F13B: variants seen among roughly 807,000 people sequenced by gnomAD.
The protein encoded by F13B is TGase.
In F13B, 58 loss-of-function variants were observed where a neutral mutation model predicts 79.8. The observed-to-expected ratio is 0.73, with a 90% CI of 0.59 to 0.90. The LOEUF is 0.90. Among genes scored for constraint, F13B ranks in the 40% least tolerant of loss-of-function variants. The pLI, the probability that F13B is intolerant of heterozygous loss-of-function variation, is 0.00. For missense variants in F13B, 773 were observed against 777.0 expected, an observed-to-expected ratio of 0.99 and a Z score of 0.06; for synonymous variants, 283 against 260.3, an observed-to-expected ratio of 1.09 and a Z score of -0.84.
Position 197,057,009 on chromosome 1 carries a change from A to C in F13B, c.1171+4T>G, listed in dbSNP as rs147765919. On this transcript the variant is annotated splice_donor_region_variant and intron_variant, in intron 7 of 11. Coordinates refer to ENST00000367412, the MANE Select transcript of F13B (RefSeq NM_001994.3). ...GCTACTGATGGTAAATGTAGCATACATACCAACACACTCAGGAGGAAGTGT... is the reference window on the plus strand; with the variant it reads ...GCTACTGATGGTAAATGTAGCATACCTACCAACACACTCAGGAGGAAGTGT... 6.2e-7 allele frequency: 1 copy of C among 1,613,230 alleles called. No individual in the cohort carries two copies. Among genetic ancestry groups the C allele is most frequent in the East Asian group, 2.2e-5 (1 of 44,862 alleles).
At chr1:197,040,790 C>G in intron 10 of F13B, 55 bp from the exon 11 acceptor site, 1 of 1,425,044 alleles carries the variant, frequency 7.0e-7, no homozygotes, top group African/African-American at 1.4e-5. Context: ...TATCTTGTTA[C>G]ATCTTGGTAA....
intron 1 of F13B, among the ~76,000 whole-genome samples, chr1:197,064,937 T>G (rs1001720319): frequency 6.6e-6 from 1 of 152,078 alleles, no homozygotes; most frequent in Non-Finnish European, 1.5e-5. Flanking sequence ...TTAATGCTAC[T>G]ATGAGACATA....
At chr1:197,051,386 A>G (rs958447443) in intron 9 of F13B, among the ~76,000 whole-genome samples, 2 of 152,126 alleles carry the variant, frequency 1.3e-5, no homozygotes, top group African/African-American at 2.4e-5. Flanking sequence ...CTAAGTGTAT[A>G]TGGGATTTTT....
intron 1 of F13B, among the ~76,000 whole-genome samples, chr1:197,064,394 A>G (rs898969999): frequency 3.9e-5 from 6 of 152,234 alleles, no homozygotes; most frequent in African/African-American, 1.4e-4. Context: ...ATGCCCATAA[A>G]TAATAGAAAA....
chr1:197,066,028 C>T lies in F13B; in HGVS notation c.64+1132G>A, dbSNP rs917508142. On this transcript the variant is annotated intron_variant, in intron 1 of 11. Transcript: ENST00000367412. ...TTTGTTGTGTAAAATAGCATTATAA[C>T]CTTATAATAATTAGAAAATTAACTA... is the stretch of plus-strand genomic sequence containing the variant. Among the ~76,000 whole-genome samples, 7 of 151,484 alleles carry T rather than the reference C, an allele frequency of 4.6e-5. No homozygotes were observed. In the South Asian group the frequency reaches 8.3e-4, roughly 18 times the overall value.
chr1:197,043,225 C>T (rs1052023723), intron 10 of F13B, among the ~76,000 whole-genome samples: 1 of 152,104 alleles, frequency 6.6e-6, no homozygotes, highest in African/African-American at 2.4e-5. Context: ...AACAAACCCT[C>T]TGTAAAGAGC....
Position 197,057,287 on chromosome 1 carries a change from AATGC to A in F13B, c.980_983del (p.Cys327LeufsTer7). 6.2e-7 allele frequency: 1 copy of A among 1,613,900 alleles called. No individual in the cohort carries two copies. The highest frequency in any genetic ancestry group is 8.5e-7 in the Non-Finnish European group (1 of 1,179,892). On this transcript the variant is annotated frameshift_variant and splice_region_variant, in exon 6 of 12. Transcript: ENST00000367412. LOFTEE classifies it high-confidence loss of function. ...AAGCTTCTTCAAGGTGTTACTAACC[AATGC>A]ATTTTGGAGGTTCTGTCCATTTTCC... is the stretch of plus-strand genomic sequence containing the variant.
At chr1:197,051,225 G>A (rs538559107) in intron 9 of F13B, among the ~76,000 whole-genome samples, 1 of 152,054 alleles carries the variant, frequency 6.6e-6, no homozygotes, top group Non-Finnish European at 1.5e-5. Flanking sequence ...CCATTTTTTA[G>A]GCAGTTCTCA....
chr1:197,056,865 A>G, intron 7 of F13B, 148 bp downstream of exon 7: 1 of 740,368 alleles, frequency 1.4e-6, no homozygotes, highest in South Asian at 1.7e-5. Context: ...ACATGCACAC[A>G]TGCAAAGCAG....
intron 7 of F13B, 59 bp from the exon 8 acceptor site, chr1:197,055,956 T>C (rs1655626361): frequency 5.5e-6 from 7 of 1,264,722 alleles, no homozygotes; most frequent in Non-Finnish European, 8.1e-6. Flanking sequence ...CTATAGTAAC[T>C]CATACTATAG....
chr1:197,042,817 T>TAA (rs896748673), intron 10 of F13B, among the ~76,000 whole-genome samples: 2 of 134,256 alleles, frequency 1.5e-5, no homozygotes. Flanking sequence ...GGAGACTGTC[T>TAA]AAAAAAAAAA....
chr1:197,065,099 C>A (rs1337408413), intron 1 of F13B, among the ~76,000 whole-genome samples: 2 of 152,134 alleles, frequency 1.3e-5, no homozygotes, highest in Non-Finnish European at 2.9e-5. Context: ...CACACCCAAG[C>A]ACCAAAGGAA....
chr1:197,040,856 G>A, intron 10 of F13B, 121 bp from the exon 11 acceptor site: 1 of 713,326 alleles, frequency 1.4e-6, no homozygotes, highest in Non-Finnish European at 2.4e-6. Flanking sequence ...TCAGGCCTAA[G>A]AGCAGCAAGT....
intron 1 of F13B, among the ~76,000 whole-genome samples, chr1:197,064,976 A>G (rs1389338550): frequency 6.6e-6 from 1 of 152,150 alleles, no homozygotes; most frequent in Non-Finnish European, 1.5e-5. Context: ...CCTAGGTTTG[A>G]AGGAAATGGA....
intron 5 of F13B, 42 bp from the exon 6 acceptor site, chr1:197,057,507 C>CA (rs754435210): frequency 1.1e-5 from 18 of 1,569,106 alleles, no homozygotes; most frequent in Non-Finnish European, 1.5e-5. Flanking sequence ...CATATAATTA[C>CA]AAAAAATAAT....
intron 1 of F13B, among the ~76,000 whole-genome samples, chr1:197,066,203 C>A (rs1656044140): frequency 6.6e-6 from 1 of 151,990 alleles, no homozygotes; most frequent in South Asian, 2.1e-4. Flanking sequence ...AATTCTGTGT[C>A]TTTCACTTTT....
At chr1:197,061,703 T>C in intron 3 of F13B, 81 bp downstream of exon 3, 1 of 1,114,642 alleles carries the variant, frequency 9.0e-7, no homozygotes, top group East Asian at 2.6e-5. Flanking sequence ...TATTAAATAA[T>C]AGATATCAAT....
At chr1:197,055,382 C>T (rs796667832) in intron 8 of F13B, among the ~76,000 whole-genome samples, 5 of 151,968 alleles carry the variant, frequency 3.3e-5, no homozygotes, top group African/African-American at 9.6e-5. Context: ...GAGGGCAATA[C>T]AAGCAGAGAT....
In F13B at chr1:197,040,843, T is replaced by A; in HGVS notation, c.1739-108A>T. The A allele has an allele frequency of 1.2e-5, 10 of 801,298 alleles. No individual in the cohort carries two copies. In the South Asian group the frequency reaches 1.6e-4, roughly 13 times the overall value. 49.6% of individuals were successfully genotyped at this position (801,298 alleles called of 1,614,324 possible). ...TTGCCTACTCATGAGGACCTTAAAA[T>A]TCTCAGGCCTAAGAGCAGCAAGTCA... On this transcript the variant is annotated intron_variant, in intron 10 of 11. Coordinates refer to ENST00000367412, the MANE Select transcript of F13B (RefSeq NM_001994.3).
Sources: allele counts gnomAD v4.1 joint callset (sites outside exome capture counted in the v4.1 genomes callset), GRCh38; gene constraint gnomAD v4.1.1; transcripts MANE v1.5; gene names NCBI Gene and HGNC (gene_info 2026-07-23, HGNC 2026-07-21).